Variants in KIAA1958 observed in about 807,000 individuals in gnomAD.
The protein encoded by KIAA1958 is uncharacterized protein KIAA1958.
KIAA1958 carries 14 observed loss-of-function variants against 47.2 expected under a neutral mutation model. The observed-to-expected ratio is 0.30, with a 90% CI of 0.20 to 0.46. KIAA1958 has a LOEUF of 0.46. Among genes scored for constraint, KIAA1958 ranks in the 20% least tolerant of loss-of-function variants. KIAA1958 has a pLI of 1.00. For synonymous variants in KIAA1958, 354 were observed against 353.3 expected, an observed-to-expected ratio of 1.00 and a Z score of -0.02; for missense variants, 803 against 909.2, an observed-to-expected ratio of 0.88 and a Z score of 1.50.
chr9:112,564,139 C>T (rs967040804), intron 1 of KIAA1958, among the ~76,000 whole-genome samples: 3 of 152,116 alleles, frequency 2.0e-5, no homozygotes, highest in African/African-American at 7.2e-5. Flanking sequence ...GTTATGCTGG[C>T]GTCCTCAAAC....
chr9:112,544,455 C>T (rs896705145), intron 1 of KIAA1958, among the ~76,000 whole-genome samples: 4 of 152,158 alleles, frequency 2.6e-5, no homozygotes, highest in African/African-American at 9.7e-5. Context: ...GTATTTCTGA[C>T]ACAGCACAGT....
At chr9:112,637,770 C>T (rs1336236507) in intron 2 of KIAA1958, among the ~76,000 whole-genome samples, 2 of 152,166 alleles carry the variant, frequency 1.3e-5, no homozygotes, top group African/African-American at 4.8e-5. Context: ...TGTTTTCTGG[C>T]TTCCATCATT....
At chr9:112,622,138 A>G (rs1836519906) in intron 2 of KIAA1958, among the ~76,000 whole-genome samples, 1 of 152,252 alleles carries the variant, frequency 6.6e-6, no homozygotes, top group South Asian at 2.1e-4. Flanking sequence ...ATATTAACTT[A>G]AGAAAAAATC....
intron 2 of KIAA1958, among the ~76,000 whole-genome samples, chr9:112,616,675 G>A (rs1836412954): frequency 6.6e-6 from 1 of 151,936 alleles, no homozygotes; most frequent in Admixed American, 6.6e-5. Flanking sequence ...CCTTCTTTAG[G>A]GTTTCTCTTT....
intron 2 of KIAA1958, among the ~76,000 whole-genome samples, chr9:112,599,895 G>A (rs918990977): frequency 4.6e-5 from 7 of 152,140 alleles, no homozygotes; most frequent in East Asian, 1.9e-4. Flanking sequence ...AAAAAAGTGG[G>A]GGAGAAATTT....
In KIAA1958 at chr9:112,669,256, A is replaced by T. The variant is rs1281551389; in HGVS notation, c.*9187A>T. The T allele has an allele frequency of 6.6e-6, 1 of 152,148 alleles. No homozygotes were observed. Among genetic ancestry groups the T allele is most frequent in the Non-Finnish European group, 1.5e-5 (1 of 68,034 alleles). 9.4% of individuals were successfully genotyped at this position (152,148 alleles called of 1,614,324 possible). A position where few individuals can be genotyped will look rare whatever the true frequency, so the allele number is the denominator to read the frequency against. On this transcript the variant is annotated 3_prime_UTR_variant, in exon 4 of 4. Coordinates refer to ENST00000337530, the MANE Select transcript of KIAA1958 (RefSeq NM_133465.4). ...TTCCTCCAGTCCGGCCCTCTAGTTG[A>T]TAGTCCAGTAGTCTGTTAACAATTT...
chr9:112,618,868 C>T lies in KIAA1958; in HGVS notation c.1172-26782C>T. The T allele has an allele frequency of 6.5e-7, 1 of 1,548,946 alleles. No individual in the cohort carries two copies. Among genetic ancestry groups the T allele is most frequent in the African/African-American group, 1.4e-5 (1 of 73,120 alleles). On this transcript the variant is annotated intron_variant, in intron 2 of 3. Coordinates refer to ENST00000337530, the MANE Select transcript of KIAA1958 (RefSeq NM_133465.4). The surrounding 1 kb of genome is among the most constrained non-coding windows in gnomAD (Gnocchi z 7.1). ...CAGTGGCCGGCCACTCCAACAATGG[C>T]AATTTCATCGTCTCCGCCTCCTATG...
chr9:112,510,006 G>A (rs1834296517), intron 1 of KIAA1958, among the ~76,000 whole-genome samples: 3 of 152,162 alleles, frequency 2.0e-5, no homozygotes, highest in Non-Finnish European at 2.9e-5. Flanking sequence ...ACCTTTGTGG[G>A]CAGCTTAATA....
intron 1 of KIAA1958, among the ~76,000 whole-genome samples, chr9:112,506,549 C>T (rs938249909): frequency 2.6e-5 from 4 of 152,142 alleles, no homozygotes; most frequent in Admixed American, 6.5e-5. Context: ...TGATGTGTTA[C>T]GTGTTTATAC....
intron 1 of KIAA1958, among the ~76,000 whole-genome samples, chr9:112,534,403 G>A (rs1238902000): frequency 6.6e-6 from 1 of 152,078 alleles, no homozygotes; most frequent in Non-Finnish European, 1.5e-5. Flanking sequence ...TGATGTCAGG[G>A]TATATTAATT....
intron 2 of KIAA1958, among the ~76,000 whole-genome samples, chr9:112,626,998 C>T (rs896433389): frequency 6.6e-6 from 1 of 152,112 alleles, no homozygotes; most frequent in East Asian, 1.9e-4. Context: ...AACTGAAAAA[C>T]TGTGTTAAAA....
Position 112,659,358 on chromosome 9 carries a change from T to G in KIAA1958, c.1440T>G (p.Ala480=). ...ACTTCCTGGCCACCTCGCTCCATGCTATTCGCCGAGGCCTGGACCGCATCC... is the reference window on the plus strand; with the variant it reads ...ACTTCCTGGCCACCTCGCTCCATGCGATTCGCCGAGGCCTGGACCGCATCC... ...GSDFLATSLH[A]IRRGLDRILK... The change falls in exon 4 of 4, where the codon GCT becomes GCG. Residue 480 remains alanine (A), a synonymous_variant. Coordinates refer to ENST00000337530, the MANE Select transcript of KIAA1958 (RefSeq NM_133465.4). 6.2e-7 allele frequency: 1 copy of G among 1,614,166 alleles called. No homozygotes were observed. Among genetic ancestry groups the G allele is most frequent in the Non-Finnish European group, 8.5e-7 (1 of 1,180,030 alleles).
intron 2 of KIAA1958, among the ~76,000 whole-genome samples, chr9:112,626,535 T>TA (rs1351134313): frequency 6.6e-6 from 1 of 152,210 alleles, no homozygotes; most frequent in African/African-American, 2.4e-5. Context: ...ATTAGGAAGA[T>TA]ATCAGCAATA....
intron 1 of KIAA1958, among the ~76,000 whole-genome samples, chr9:112,557,185 C>G (rs1219481425): frequency 3.3e-5 from 5 of 152,074 alleles, no homozygotes; most frequent in Non-Finnish European, 5.9e-5. Context: ...GCCTTGAATA[C>G]CCAGGCTTAA....
chr9:112,577,021 T>TA (rs34684213), intron 2 of KIAA1958, among the ~76,000 whole-genome samples: 3 of 152,150 alleles, frequency 2.0e-5, no homozygotes, highest in African/African-American at 7.2e-5. Flanking sequence ...TTTTCATGTT[T>TA]AAAAAAATAA....
intron 2 of KIAA1958, among the ~76,000 whole-genome samples, chr9:112,627,941 A>G (rs900735414): frequency 1.4e-4 from 21 of 152,212 alleles, no homozygotes; most frequent in African/African-American, 5.1e-4. Context: ...TGGTGTTTCC[A>G]TCTTGCCTCA....
intron 2 of KIAA1958, among the ~76,000 whole-genome samples, chr9:112,608,521 G>T (rs377057400): frequency 4.8e-4 from 73 of 152,286 alleles, no homozygotes; most frequent in African/African-American, 1.6e-3. Flanking sequence ...GGGTGTGGTG[G>T]TGCACACCTG....
chr9:112,600,085 T>C (rs1323731211), intron 2 of KIAA1958, among the ~76,000 whole-genome samples: 1 of 152,236 alleles, frequency 6.6e-6, no homozygotes, highest in Admixed American at 6.5e-5. Flanking sequence ...GTGCTTCTTA[T>C]TGTGATTAAT....
intron 1 of KIAA1958, among the ~76,000 whole-genome samples, chr9:112,548,878 T>C (rs1267557727): frequency 6.6e-6 from 1 of 152,144 alleles, no homozygotes; most frequent in Non-Finnish European, 1.5e-5. Flanking sequence ...TTATAAGAAG[T>C]AGAAATTTGG....
Sources: allele counts gnomAD v4.1 joint callset (sites outside exome capture counted in the v4.1 genomes callset), GRCh38; gene constraint gnomAD v4.1.1; non-coding constraint Gnocchi (gnomAD v3.1); transcripts MANE v1.5; gene names NCBI Gene and HGNC (gene_info 2026-07-23, HGNC 2026-07-21).